Variants in ROBO2 observed in about 807,000 individuals in gnomAD.
ROBO2 encodes roundabout homolog 2.
A neutral mutation model predicts 160.8 loss-of-function variants in ROBO2; 53 were observed. The ratio of observed to expected loss-of-function variants is 0.33; its 90% confidence interval spans 0.26 to 0.41. The LOEUF (loss-of-function observed/expected upper bound fraction) is 0.41, where lower values mean the gene tolerates loss of function less well. ROBO2 is among the 10% of genes least tolerant of loss of function. The pLI is 1.00. For synonymous variants in ROBO2, 664 were observed against 611.7 expected (o/e 1.09, Z -1.26); for missense variants, 1,577 against 1,722.4 (o/e 0.92, Z 1.49).
chr3:76,845,056 T>C (rs1397385959), intron 2 of ROBO2, among the ~76,000 whole-genome samples: 1 of 151,942 alleles, frequency 6.6e-6, no homozygotes, highest in Non-Finnish European at 1.5e-5. Flanking sequence ...GGTCATCATT[T>C]TGAAACGTAA....
At chr3:77,280,852 A>G (rs1328966843) in intron 2 of ROBO2, among the ~76,000 whole-genome samples, 1 of 152,206 alleles carries the variant, frequency 6.6e-6, no homozygotes, top group Non-Finnish European at 1.5e-5. Flanking sequence ...TCATGTGGAC[A>G]CTGATTACAC....
At chr3:76,187,816 C>G (rs1468520373) in intron 2 of ROBO2, among the ~76,000 whole-genome samples, 2 of 152,014 alleles carry the variant, frequency 1.3e-5, no homozygotes, top group African/African-American at 4.8e-5. Flanking sequence ...CATATAGAAG[C>G]AAAAAGTGAA....
At chr3:76,992,340 TA>T (rs1470429550) in intron 2 of ROBO2, among the ~76,000 whole-genome samples, 20 of 65,798 alleles carry the variant, frequency 3.0e-4, no homozygotes, top group African/African-American at 9.9e-4. Context: ...TATATATATA[TA>T]TATATATATA....
intron 2 of ROBO2, among the ~76,000 whole-genome samples, chr3:76,289,378 G>T (rs913977681): frequency 6.6e-6 from 1 of 151,982 alleles, no homozygotes; most frequent in African/African-American, 2.4e-5. Context: ...GTTCCTTATA[G>T]ATGCTGATAT....
chr3:77,376,092 A>C (rs2153480929), intron 2 of ROBO2, among the ~76,000 whole-genome samples: 1 of 151,980 alleles, frequency 6.6e-6, no homozygotes, highest in Non-Finnish European at 1.5e-5. Context: ...AGATCCCATT[A>C]TCAATACAGT....
intron 2 of ROBO2, among the ~76,000 whole-genome samples, chr3:76,352,108 A>G (rs2074912101): frequency 6.6e-6 from 1 of 151,986 alleles, no homozygotes; most frequent in African/African-American, 2.4e-5. Flanking sequence ...AGTGTTGTCA[A>G]CCTAGTAAGC....
intron 2 of ROBO2, among the ~76,000 whole-genome samples, chr3:76,523,021 A>T (rs913139750): frequency 1.4e-5 from 2 of 148,082 alleles, no homozygotes; most frequent in Non-Finnish European, 3.0e-5. Context: ...TATATAATAT[A>T]TTTTATATAT....
At chr3:76,771,010 T>C (rs1352729673) in intron 2 of ROBO2, among the ~76,000 whole-genome samples, 4 of 151,348 alleles carry the variant, frequency 2.6e-5, no homozygotes, top group African/African-American at 4.8e-5. Flanking sequence ...TTTATGATAC[T>C]GAGATGTTTT....
chr3:77,116,253 G>A (rs1426370319), intron 2 of ROBO2, among the ~76,000 whole-genome samples: 1 of 152,176 alleles, frequency 6.6e-6, no homozygotes, highest in East Asian at 1.9e-4. Context: ...TTCAATGAAA[G>A]CATGGCTGAT....
At chr3:76,226,589 AT>A (rs1358362204) in intron 2 of ROBO2, among the ~76,000 whole-genome samples, 3 of 152,126 alleles carry the variant, frequency 2.0e-5, no homozygotes, top group Admixed American at 1.3e-4. Flanking sequence ...ATTATAATGT[AT>A]TTTTTTATTG....
intron 2 of ROBO2, among the ~76,000 whole-genome samples, chr3:76,158,588 A>G (rs985664051): frequency 1.3e-5 from 2 of 152,050 alleles, no homozygotes; most frequent in Non-Finnish European, 2.9e-5. Flanking sequence ...CTGAACAATG[A>G]ATGGGGTGGG....
intron 2 of ROBO2, among the ~76,000 whole-genome samples, chr3:76,592,269 G>A (rs979363248): frequency 6.6e-6 from 1 of 152,050 alleles, no homozygotes; most frequent in Admixed American, 6.6e-5. Context: ...TGTTTTCCCT[G>A]TACAGATAAT....
intron 2 of ROBO2, among the ~76,000 whole-genome samples, chr3:76,692,212 G>C (rs155468): frequency 0.33 from 50,866 of 151,968 alleles, 9,410 homozygotes; most frequent in East Asian, 0.56. Flanking sequence ...AGGTGCTTGA[G>C]GTCACTCAGA....
At chr3:77,235,807 T>C (rs939262544) in intron 2 of ROBO2, among the ~76,000 whole-genome samples, 1 of 152,216 alleles carries the variant, frequency 6.6e-6, no homozygotes, top group Non-Finnish European at 1.5e-5. Flanking sequence ...ACAGTGAAAT[T>C]GAGAAGGTAT....
At chr3:76,343,958 C>A (rs985660157) in intron 2 of ROBO2, among the ~76,000 whole-genome samples, 11 of 151,872 alleles carry the variant, frequency 7.2e-5, no homozygotes, top group African/African-American at 2.7e-4. Context: ...TTGGTTTGTA[C>A]TAAAAGCATT....
intron 2 of ROBO2, among the ~76,000 whole-genome samples, chr3:75,955,383 G>C (rs1203789538): frequency 6.6e-6 from 1 of 151,646 alleles, no homozygotes; most frequent in Non-Finnish European, 1.5e-5. Context: ...ACTTGGGTTT[G>C]AGAGCAGTTT....
At chr3:76,722,332 G>C (rs953668318) in intron 2 of ROBO2, among the ~76,000 whole-genome samples, 18 of 152,192 alleles carry the variant, frequency 1.2e-4, no homozygotes, top group African/African-American at 4.3e-4. Flanking sequence ...ATGTTGGCCA[G>C]GCTGATATCG....
intron 2 of ROBO2, among the ~76,000 whole-genome samples, chr3:77,108,207 T>TATATATGTATACACATATGC (rs1553774259): frequency 7.5e-4 from 89 of 119,018 alleles, no homozygotes; most frequent in East Asian, 3.8e-3. Flanking sequence ...CACATATGCA[T>TATATATGTATACACATATGC]ATATATATGT....
At chr3:77,135,690 G>A (rs1300592854) in intron 2 of ROBO2, among the ~76,000 whole-genome samples, 2 of 151,998 alleles carry the variant, frequency 1.3e-5, no homozygotes, top group African/African-American at 2.4e-5. Context: ...ATTTACAAGC[G>A]TGAGCCACCA....
Sources: allele counts gnomAD v4.1 joint callset (sites outside exome capture counted in the v4.1 genomes callset), GRCh38; gene constraint gnomAD v4.1.1; transcripts MANE v1.5; gene names NCBI Gene and HGNC (gene_info 2026-07-23, HGNC 2026-07-21).